The following PCNT variants were observed in gnomAD, a reference collection of about 807,000 sequenced individuals.
The protein encoded by PCNT is kendrin.
PCNT carries 319 observed loss-of-function variants against 380.4 expected under a neutral mutation model. The observed-to-expected ratio is 0.84, with a 90% CI of 0.77 to 0.92. The LOEUF (loss-of-function observed/expected upper bound fraction) is 0.92, where lower values mean the gene tolerates loss of function less well. Ranked by LOEUF, PCNT falls within the 40% of genes least tolerant of loss-of-function variation. PCNT has a pLI of 0.00. For synonymous variants in PCNT, 1,845 were observed against 1,735.2 expected (o/e 1.06, Z -1.57); for missense variants, 4,400 against 4,255.3 (o/e 1.03, Z -0.95).
intron 21 of PCNT, among the ~76,000 whole-genome samples, chr21:46,392,436 G>A (rs561687602): frequency 2.2e-4 from 33 of 152,162 alleles, no homozygotes; most frequent in Non-Finnish European, 4.6e-4. Context: ...AGCCAGCCTG[G>A]TCTCGAACTC....
chr21:46,415,197 C>G (rs930608925), intron 29 of PCNT, among the ~76,000 whole-genome samples: 2 of 152,120 alleles, frequency 1.3e-5, no homozygotes, highest in Non-Finnish European at 2.9e-5. Flanking sequence ...TTCTTAATTC[C>G]ACAGAAATCA....
intron 1 of PCNT, chr21:46,325,343 G>A: frequency 5.7e-6 from 2 of 348,968 alleles, no homozygotes; most frequent in Non-Finnish European, 8.1e-6. Context: ...AGGGGAGCCC[G>A]GAGCCTGCAG....
intron 16 of PCNT, among the ~76,000 whole-genome samples, chr21:46,383,756 TCAG>T (rs1196129391): frequency 7.0e-6 from 1 of 143,484 alleles, no homozygotes; most frequent in African/African-American, 2.6e-5. Flanking sequence ...TGCTGTGCAT[TCAG>T]CAGCGGAAGC....
Position 46,326,388 on chromosome 21 carries a change from C to A in PCNT, c.66C>A (p.Phe22Leu), listed in dbSNP as rs765242789. Residue 22 changes from phenylalanine (F) to leucine (L), a missense_variant, in exon 2 of 47, where the codon TTC (phenylalanine) becomes TTA (leucine). By Grantham distance (22) the Phe-to-Leu change is conservative. Coordinates refer to ENST00000359568, the MANE Select transcript of PCNT (RefSeq NM_006031.6). ...ACATTTTTGCGCAGCTTGCTCACTTCCGACAGAGAAAAACAAAAGGTGACA... is the reference window on the plus strand; with the variant it reads ...ACATTTTTGCGCAGCTTGCTCACTTACGACAGAGAAAAACAAAAGGTGACA... ...VEAGRTKLAH[F>L]RQRKTKGDSS... 3.1e-6 allele frequency: 5 copies of A among 1,614,010 alleles called. No individual in the cohort carries two copies. In the African/African-American group the frequency reaches 6.7e-5, roughly 22 times the overall value.
chr21:46,418,120 G>A lies in PCNT; in HGVS notation c.6922-84G>A, dbSNP rs144548645. On this transcript the variant is annotated intron_variant, in intron 30 of 46. Transcript: ENST00000359568. ...GGTCTATGTGGGAAGATAAATTCAG[G>A]CCTTTGAAAGTTTTCACCTGGCAAA... The A allele has an allele frequency of 7.6e-3, 6,116 of 802,898 alleles. 43 individuals are homozygous for A. The highest frequency in any genetic ancestry group is 0.018 in the South Asian group (1,273 of 69,184). The allele number at this position is 802,898 out of a possible 1,614,324, so 49.7% of individuals were successfully genotyped here.
At chr21:46,408,216 G>T (rs879787431) in intron 27 of PCNT, among the ~76,000 whole-genome samples, 13 of 152,164 alleles carry the variant, frequency 8.5e-5, no homozygotes, top group Non-Finnish European at 1.5e-4. Flanking sequence ...ACTGGAAATT[G>T]ATGCATGCTG....
At chr21:46,440,794 T>C (rs2053588469) in intron 42 of PCNT, 61 bp from the exon 43 acceptor site, 2 of 1,037,080 alleles carry the variant, frequency 1.9e-6, no homozygotes, top group African/African-American at 3.1e-5. Flanking sequence ...GTTAATGTGC[T>C]TTTGTCAGCA....
chr21:46,444,078 T>A, intron 45 of PCNT, 130 bp downstream of exon 45: 1 of 981,354 alleles, frequency 1.0e-6, no homozygotes, highest in Non-Finnish European at 1.5e-6. Context: ...CTCTCCAGCG[T>A]GAGTCCGTGA....
At chr21:46,353,046 C>T (rs1338735626) in intron 9 of PCNT, 58 bp from the exon 10 acceptor site, 9 of 1,430,042 alleles carry the variant, frequency 6.3e-6, no homozygotes, top group Non-Finnish European at 7.9e-6. Context: ...TTGCCTCTCG[C>T]CTGGCTTGTT....
chr21:46,441,404 C>T (rs903488482), intron 43 of PCNT, among the ~76,000 whole-genome samples: 4 of 152,270 alleles, frequency 2.6e-5, no homozygotes, highest in African/African-American at 7.2e-5. Context: ...AAACACTGTG[C>T]GGCTGTGCCT....
chr21:46,416,783 C>G lies in PCNT; in HGVS notation c.6865C>G (p.Leu2289Val). The G allele has an allele frequency of 6.2e-7, 1 of 1,602,270 alleles. No homozygotes were observed. The highest frequency in any genetic ancestry group is 8.5e-7 in the Non-Finnish European group (1 of 1,178,930). ...SPGVSAAALALQWAESPPADD... is the reference protein window; with the variant it reads ...SPGVSAAALAVQWAESPPADD... ...AGGCGTGTCTGCAGCAGCGCTGGCA[C>G]TGCAGTGGGCCGAGTCTCCGCCGGC... Residue 2289 changes from leucine to valine, a missense_variant, in exon 30 of 47, where the codon CTG becomes GTG. Leu to Val is a conservative substitution (Grantham distance 32, BLOSUM62 1). Coordinates refer to ENST00000359568, the MANE Select transcript of PCNT (RefSeq NM_006031.6).
rs186973307 is a variant in PCNT, at chr21:46,427,672, G to A, written c.7371G>A (p.Val2457=). Reference sequence around the variant, plus strand: ...GGAGAGGGGACCTTCTGCAGGTTGTGCAAGAGGCCTTTGAAAAAGAGCAGG... The same window carrying A: ...GGAGAGGGGACCTTCTGCAGGTTGTACAAGAGGCCTTTGAAAAAGAGCAGG... ...PDWRGDLLQV[V]QEAFEKEQEM... The change falls in exon 34 of 47, where the codon GTG becomes GTA. Residue 2457 remains valine (V), a synonymous_variant. Transcript: ENST00000359568. 3.1e-6 allele frequency: 5 copies of A among 1,613,970 alleles called. No homozygotes were observed. Among genetic ancestry groups the A allele is most frequent in the Admixed American group, 3.3e-5 (2 of 60,030 alleles).
intron 13 of PCNT, among the ~76,000 whole-genome samples, chr21:46,358,542 C>T (rs537155407): frequency 6.6e-6 from 1 of 152,228 alleles, no homozygotes; most frequent in South Asian, 2.1e-4. Context: ...CACCTGCAGC[C>T]ACCAGTGTGT....
At position 46,353,546 on chromosome 21, in the gene PCNT, C is replaced by G. The variant is rs17297798; in HGVS notation, c.1679+220C>G. Among the ~76,000 whole-genome samples, 7,078 of 152,094 alleles carry G rather than the reference C, an allele frequency of 0.047. 217 individuals carry two copies. The highest frequency in any genetic ancestry group is 0.063 in the Non-Finnish European group (4,256 of 67,980). ...CATTGGTGGCCACACTCTGTCCAGG[C>G]CTGCGTGCACATGTTGGTGGTGGAC... On this transcript the variant is annotated intron_variant, in intron 10 of 46. Transcript: ENST00000359568.
In PCNT at chr21:46,385,967, C is replaced by G; in HGVS notation, c.3448C>G (p.Leu1150Val). ...CTCCATGCTCAAGGCCGACGTCAAC[C>G]TGTCCCACAGCGAAAGGTCAGTGTG... ...LLSMLKADVN[L>V]SHSERGALQD... Residue 1150 changes from leucine to valine, a missense_variant, in exon 17 of 47, where the codon CTG becomes GTG. Coordinates refer to ENST00000359568, the MANE Select transcript of PCNT (RefSeq NM_006031.6). 1 of 1,614,172 alleles carries G rather than the reference C, an allele frequency of 6.2e-7. No homozygotes were observed. The highest frequency in any genetic ancestry group is 8.5e-7 in the Non-Finnish European group (1 of 1,180,026).
chr21:46,440,353 T>A, intron 42 of PCNT, 151 bp downstream of exon 42: 1 of 856,332 alleles, frequency 1.2e-6, no homozygotes. Flanking sequence ...CAGAATAAAC[T>A]TCGGCTTGAA....
In PCNT at chr21:46,357,206, C is replaced by G; in HGVS notation, c.2154+15C>G. 6.4e-7 allele frequency: 1 copy of G among 1,556,812 alleles called. No individual in the cohort carries two copies. Among genetic ancestry groups the G allele is most frequent in the Non-Finnish European group, 8.9e-7 (1 of 1,127,814 alleles). On this transcript the variant is annotated intron_variant, in intron 13 of 46. Transcript: ENST00000359568. ...ATTTGGAGAAGGTGAGTCGTGACTC[C>G]ACAGCCCAGCGCCTCCCGCCCGAGT... is the stretch of plus-strand genomic sequence containing the variant.
intron 13 of PCNT, among the ~76,000 whole-genome samples, chr21:46,363,057 A>G (rs1014952101): frequency 2.6e-5 from 4 of 152,184 alleles, no homozygotes; most frequent in African/African-American, 9.6e-5. Context: ...GCATCCGATC[A>G]TGCTTGCTGC....
chr21:46,339,482 C>T (rs2083854101), intron 3 of PCNT, among the ~76,000 whole-genome samples: 2 of 152,158 alleles, frequency 1.3e-5, no homozygotes, highest in African/African-American at 4.8e-5. Flanking sequence ...CCACAGTAAG[C>T]CATCTGCAGG....
Sources: gnomAD v4.1 joint callset for allele counts (sites outside exome capture counted in the v4.1 genomes callset) on GRCh38, gnomAD v4.1.1 for gene constraint, MANE v1.5 for transcripts, NCBI Gene and HGNC (gene_info 2026-07-23, HGNC 2026-07-21) for gene names.